Variants in THADA observed in about 807,000 individuals in gnomAD.
The protein encoded by THADA is tRNA (32-2'-O)-methyltransferase regulator THADA.
In THADA, 213 loss-of-function variants were observed where a neutral mutation model predicts 219.8. The ratio of observed to expected loss-of-function variants is 0.97; its 90% CI spans 0.87 to 1.09. The LOEUF is 1.09. THADA is among the 50% of genes least tolerant of loss of function. The pLI, the probability that THADA is intolerant of heterozygous loss-of-function variation, is 0.00. For synonymous variants in THADA, 1,018 were observed against 828.9 expected, an observed-to-expected ratio of 1.23 and a Z score of -3.92; for missense variants, 2,956 against 2,311.3, an observed-to-expected ratio of 1.28 and a Z score of -5.72.
chr2:43,450,342 A>G (rs1002316563), intron 26 of THADA, among the ~76,000 whole-genome samples: 1 of 152,190 alleles, frequency 6.6e-6, no homozygotes, highest in African/African-American at 2.4e-5. Flanking sequence ...TAAATCTGTG[A>G]CATCGGTAAC....
chr2:43,453,457 G>C (rs1682609803), intron 26 of THADA, among the ~76,000 whole-genome samples: 1 of 152,150 alleles, frequency 6.6e-6, no homozygotes, highest in Non-Finnish European at 1.5e-5. Flanking sequence ...TTTTTTGAGA[G>C]CTAGAAAACT....
At chr2:43,331,228 G>A (rs888225369) in intron 30 of THADA, among the ~76,000 whole-genome samples, 5 of 152,064 alleles carry the variant, frequency 3.3e-5, no homozygotes, top group African/African-American at 1.2e-4. Context: ...TGGTTCTATG[G>A]TACTCTTAGC....
chr2:43,292,288 A>C lies in THADA; in HGVS notation c.4819-66T>G, dbSNP rs553102694. 1.2e-5 allele frequency: 12 copies of C among 1,027,694 alleles called. No individual in the cohort carries two copies. The African/African-American group carries it at 1.8e-4, about 15-fold the overall frequency. The allele number at this position is 1,027,694 out of a possible 1,614,324, so 63.7% of individuals were successfully genotyped here. On this transcript the variant is annotated intron_variant, in intron 32 of 37. Transcript: ENST00000405975. ...ACTCAGGGAGATGTCTCTAGATGTT[A>C]CATGATAATCAATTGTATCAACAAG...
chr2:43,469,764 A>T (rs1558810957), intron 26 of THADA, among the ~76,000 whole-genome samples: 2 of 152,222 alleles, frequency 1.3e-5, no homozygotes, highest in Non-Finnish European at 2.9e-5. Flanking sequence ...GTAATGCTCA[A>T]TGATAAGTAG....
chr2:43,241,776 C>T (rs1044736474), intron 36 of THADA, among the ~76,000 whole-genome samples: 1 of 152,004 alleles, frequency 6.6e-6, no homozygotes, highest in Non-Finnish European at 1.5e-5. Flanking sequence ...TGCCTCCCAT[C>T]GCGCGCCTTT....
At chr2:43,289,182 A>G (rs1674398501) in intron 34 of THADA, among the ~76,000 whole-genome samples, 3 of 152,234 alleles carry the variant, frequency 2.0e-5, no homozygotes, top group Non-Finnish European at 4.4e-5. Context: ...ATTCCATTGT[A>G]TGGATACATT....
chr2:43,262,590 C>T (rs1292448587), intron 36 of THADA, among the ~76,000 whole-genome samples: 2 of 152,210 alleles, frequency 1.3e-5, no homozygotes. Context: ...CCAAAAGACA[C>T]ATCAGATTTT....
At chr2:43,433,344 A>G (rs1679621375) in intron 26 of THADA, among the ~76,000 whole-genome samples, 1 of 152,228 alleles carries the variant, frequency 6.6e-6, no homozygotes, top group Admixed American at 6.5e-5. Context: ...AACTTGACCA[A>G]CACGGAGAAA....
intron 29 of THADA, among the ~76,000 whole-genome samples, chr2:43,345,181 T>C (rs1667502228): frequency 6.6e-6 from 1 of 152,254 alleles, no homozygotes; most frequent in Non-Finnish European, 1.5e-5. Flanking sequence ...TCTTTCTGTG[T>C]AACCAGATTC....
At chr2:43,535,296 C>T (rs1159965896) in intron 21 of THADA, among the ~76,000 whole-genome samples, 1 of 148,066 alleles carries the variant, frequency 6.8e-6, no homozygotes, top group East Asian at 2.0e-4. Flanking sequence ...TCTTTTGGCT[C>T]TGTTGTTTCC....
At position 43,231,313 on chromosome 2, in the gene THADA, C is replaced by T. The variant is rs1283400954; in HGVS notation, c.5497G>A (p.Glu1833Lys). ...AGGGTCTCGGCCCAAAAGTTGACTT[C>T]TGCTTTTTCAAACAGGTAGTCTTCT... ...VEEDYLFEKA[E>K]VNFWAETLIF... Residue 1833 changes from glutamate (E) to lysine (K), a missense_variant, in exon 38 of 38, where the codon GAA becomes AAA. Physicochemically the swap from Glu to Lys is moderately conservative, Grantham distance 56. Transcript: ENST00000405975. 1.3e-6 allele frequency: 2 copies of T among 1,565,248 alleles called. No individual in the cohort carries two copies. The highest frequency in any genetic ancestry group is 1.2e-5 in the South Asian group (1 of 82,616).
At chr2:43,508,049 G>C (rs1352629245) in intron 23 of THADA, among the ~76,000 whole-genome samples, 2 of 152,074 alleles carry the variant, frequency 1.3e-5, no homozygotes, top group African/African-American at 4.8e-5. Flanking sequence ...TCTTAACTCA[G>C]TTCTTACTGT....
Position 43,586,888 on chromosome 2 carries a change from G to T in THADA, c.417C>A (p.Asp139Glu). Reference protein sequence around the residue: ...TDLYSYRKVTDNISSCMENFN... With the variant: ...TDLYSYRKVTENISSCMENFN... Reference sequence around the variant, plus strand: ...AGTTCTCCATACAGGAAGAAATATTGTCAGTAACTTTCCTGTAAGAGTATA... The same window carrying T: ...AGTTCTCCATACAGGAAGAAATATTTTCAGTAACTTTCCTGTAAGAGTATA... The change falls in exon 5 of 38, where the codon GAC becomes GAA. Residue 139 changes from aspartate (D) to glutamate (E), a missense_variant. Coordinates refer to ENST00000405975, the MANE Select transcript of THADA (RefSeq NM_022065.5). 6.2e-7 allele frequency: 1 copy of T among 1,613,860 alleles called. No individual in the cohort carries two copies. The highest frequency in any genetic ancestry group is 1.3e-5 in the African/African-American group (1 of 75,028).
chr2:43,394,995 A>T (rs769712328), intron 29 of THADA, among the ~76,000 whole-genome samples: 1 of 152,230 alleles, frequency 6.6e-6, no homozygotes, highest in Non-Finnish European at 1.5e-5. Flanking sequence ...AGTAAACTTG[A>T]GACTATCAAA....
intron 34 of THADA, among the ~76,000 whole-genome samples, chr2:43,289,976 G>GTTT (rs59073038): frequency 1.1e-5 from 1 of 92,010 alleles, no homozygotes; most frequent in Non-Finnish European, 2.1e-5. Flanking sequence ...TTTTGTTTTT[G>GTTT]TTTTTTTTTT....
intron 31 of THADA, among the ~76,000 whole-genome samples, chr2:43,308,198 A>AAAAGAG (rs1297101852): frequency 2.0e-5 from 3 of 152,074 alleles, no homozygotes; most frequent in African/African-American, 7.2e-5. Flanking sequence ...CATTCTTTTT[A>AAAAGAG]AAAGAGAACA....
chr2:43,578,086 G>A (rs533637516), intron 9 of THADA, among the ~76,000 whole-genome samples: 4 of 151,404 alleles, frequency 2.6e-5, no homozygotes, highest in African/African-American at 9.7e-5. Flanking sequence ...AACAGAAAAA[G>A]GTCATCAGAA....
At chr2:43,567,142 G>A (rs925840069) in intron 14 of THADA, among the ~76,000 whole-genome samples, 1 of 149,534 alleles carries the variant, frequency 6.7e-6, no homozygotes, top group African/African-American at 2.5e-5. Flanking sequence ...AGTCTTAACT[G>A]ACTCTACCAA....
chr2:43,466,026 T>C (rs1460303482), intron 26 of THADA, among the ~76,000 whole-genome samples: 1 of 152,198 alleles, frequency 6.6e-6, no homozygotes, highest in Non-Finnish European at 1.5e-5. Context: ...TCCTATCAAA[T>C]CTACTGTCTT....
Sources: gnomAD v4.1 joint callset for allele counts (sites outside exome capture counted in the v4.1 genomes callset) on GRCh38, gnomAD v4.1.1 for gene constraint, MANE v1.5 for transcripts, NCBI Gene and HGNC (gene_info 2026-07-23, HGNC 2026-07-21) for gene names.